Variants in MYMX observed in about 807,000 individuals in gnomAD.
MYMX encodes myomixer, myoblast fusion factor.
chr6:44,207,428 C>T, the MYMX span, among the ~76,000 whole-genome samples: 3,237 of 152,072 alleles, frequency 0.021, 121 homozygotes, highest in African/African-American at 0.073. Context: ...CATGAGCCAC[C>T]GTGCCTGGTG....
the MYMX span, among the ~76,000 whole-genome samples, chr6:44,195,660 C>T: frequency 6.6e-6 from 1 of 152,184 alleles, no homozygotes; most frequent in African/African-American, 2.4e-5. Context: ...CATGGATATG[C>T]ACCCACAAAA....
chr6:44,193,212 G>C, the MYMX span, among the ~76,000 whole-genome samples: 1 of 152,140 alleles, frequency 6.6e-6, no homozygotes, highest in African/African-American at 2.4e-5. Context: ...ATGAATATGA[G>C]CTCTGGGATA....
the MYMX span, among the ~76,000 whole-genome samples, chr6:44,196,243 C>A: frequency 6.6e-6 from 1 of 152,130 alleles, no homozygotes; most frequent in Admixed American, 6.5e-5. Flanking sequence ...TTGTACATAT[C>A]TCCGTATCAT....
the MYMX span, among the ~76,000 whole-genome samples, chr6:44,208,134 A>G: frequency 6.6e-6 from 1 of 151,900 alleles, no homozygotes; most frequent in Non-Finnish European, 1.5e-5. Context: ...AGGCGGAAGC[A>G]GGAGGATCGC....
At chr6:44,194,953 GCCA>G in the MYMX span, among the ~76,000 whole-genome samples, 6 of 151,758 alleles carry the variant, frequency 4.0e-5, no homozygotes, top group South Asian at 8.4e-4. Flanking sequence ...CCGTATATTC[GCCA>G]CCAAGATTAA....
the MYMX span, among the ~76,000 whole-genome samples, chr6:44,198,950 A>T: frequency 6.6e-6 from 1 of 151,870 alleles, no homozygotes; most frequent in African/African-American, 2.4e-5. Context: ...CAGAGGATCA[A>T]ATCTTATTTT....
At chr6:44,207,892 G>C in the MYMX span, among the ~76,000 whole-genome samples, 1 of 152,048 alleles carries the variant, frequency 6.6e-6, no homozygotes, top group African/African-American at 2.4e-5. Flanking sequence ...AAAGCTTATT[G>C]GTTCGAGTCA....
At chr6:44,193,185 A>G in the MYMX span, among the ~76,000 whole-genome samples, 1 of 152,214 alleles carries the variant, frequency 6.6e-6, no homozygotes, top group Admixed American at 6.5e-5. Context: ...ATATACTTGT[A>G]AATAATAATA....
the MYMX span, among the ~76,000 whole-genome samples, chr6:44,207,228 C>T: frequency 1.3e-5 from 2 of 151,622 alleles, no homozygotes; most frequent in Non-Finnish European, 1.5e-5. Context: ...GTGCGATCTC[C>T]GCTCACTGCA....
chr6:44,212,915 C>T (rs1352703898), upstream of MYMX, among the ~76,000 whole-genome samples: 1 of 151,128 alleles, frequency 6.6e-6, no homozygotes, highest in Non-Finnish European at 1.5e-5. Flanking sequence ...GTAGTTCCAG[C>T]TACTGTGGAG....
the MYMX span, among the ~76,000 whole-genome samples, chr6:44,207,229 G>A: frequency 1.3e-4 from 20 of 152,112 alleles, no homozygotes; most frequent in African/African-American, 4.6e-4. Context: ...TGCGATCTCC[G>A]CTCACTGCAA....
the MYMX span, among the ~76,000 whole-genome samples, chr6:44,199,321 C>A: frequency 6.6e-6 from 1 of 152,064 alleles, no homozygotes; most frequent in Non-Finnish European, 1.5e-5. Flanking sequence ...CTCAGCCTCC[C>A]GAGTAGCTGG....
At chr6:44,211,788 T>TTTTTTGTGTGTGTGTGTGTGTGTGTGTG in the MYMX span, among the ~76,000 whole-genome samples, 12 of 126,430 alleles carry the variant, frequency 9.5e-5, no homozygotes, top group African/African-American at 3.4e-4. Context: ...CAGCTAGGTT[T>TTTTTTGTGTGTGTGTGTGTGTGTGTGTG]TGTGTGTGTG....
chr6:44,198,364 A>G, the MYMX span, among the ~76,000 whole-genome samples: 1 of 151,382 alleles, frequency 6.6e-6, no homozygotes, highest in East Asian at 2.0e-4. Flanking sequence ...ATGGGGTTTC[A>G]CCGTGTTAGC....
chr6:44,217,848 G>A lies in MYMX; in HGVS notation c.*122G>A, dbSNP rs1037767177. The stretch of plus-strand genomic sequence containing the variant: ...AGAAGATATAGTGAGGGTTGTGCAT[G>A]AGAGGGATCTGCCACAGACATGCCT... On this transcript the variant is annotated 3_prime_UTR_variant, in exon 2 of 2. Coordinates refer to ENST00000573382, the MANE Select transcript of MYMX (RefSeq NM_001315494.2). 2.5e-6 allele frequency: 1 copy of A among 399,628 alleles called. No individual in the cohort carries two copies. Among genetic ancestry groups the A allele is most frequent in the Admixed American group, 4.4e-5 (1 of 22,720 alleles). 24.8% of individuals were successfully genotyped at this position (399,628 alleles called of 1,614,324 possible). A position where few individuals can be genotyped will look rare whatever the true frequency, so the allele number is the denominator to read the frequency against.
At chr6:44,197,465 G>A in the MYMX span, among the ~76,000 whole-genome samples, 5 of 151,684 alleles carry the variant, frequency 3.3e-5, no homozygotes, top group African/African-American at 4.8e-5. Context: ...CCCAGGAGGC[G>A]GAGGTTGCAG....
chr6:44,204,482 G>A, the MYMX span, among the ~76,000 whole-genome samples: 2 of 152,172 alleles, frequency 1.3e-5, no homozygotes, highest in African/African-American at 2.4e-5. Context: ...ACCTCTTTGG[G>A]ATATTGATTA....
At chr6:44,207,689 C>T in the MYMX span, among the ~76,000 whole-genome samples, 6 of 152,184 alleles carry the variant, frequency 3.9e-5, no homozygotes, top group African/African-American at 7.2e-5. Context: ...TGCACCACCA[C>T]GCCCAGCTAA....
upstream of MYMX, among the ~76,000 whole-genome samples, chr6:44,213,524 C>G (rs911786241): frequency 2.0e-5 from 3 of 151,362 alleles, no homozygotes; most frequent in African/African-American, 7.3e-5. Context: ...CGGGCTCAAG[C>G]AATTCTCCTG....
Sources: gnomAD v4.1 joint callset for allele counts (sites outside exome capture counted in the v4.1 genomes callset) on GRCh38, gnomAD v4.1.1 for gene constraint, MANE v1.5 for transcripts, NCBI Gene and HGNC (gene_info 2026-07-23, HGNC 2026-07-21) for gene names.